The following NELL1 variants were observed in gnomAD, a reference collection of about 807,000 sequenced individuals.
NELL1 encodes protein kinase C-binding protein NELL1.
Under a neutral mutation model 107.4 loss-of-function variants are expected in NELL1, and 76 were observed. The observed-to-expected ratio is 0.71, with a 90% CI of 0.59 to 0.86. The LOEUF is 0.86. Ranked by LOEUF, NELL1 falls within the 40% of genes least tolerant of loss-of-function variation. NELL1 has a pLI of 0.00. For synonymous variants in NELL1, 353 were observed against 341.2 expected, an observed-to-expected ratio of 1.03 and a Z score of -0.38; for missense variants, 1,024 against 1,005.5, an observed-to-expected ratio of 1.02 and a Z score of -0.25.
chr11:20,910,841 A>G (rs2134147483), intron 5 of NELL1, among the ~76,000 whole-genome samples: 1 of 152,318 alleles, frequency 6.6e-6, no homozygotes, highest in African/African-American at 2.4e-5. Context: ...TTATTTGTAA[A>G]GTTCCAGAGA....
chr11:20,977,894 G>T (rs964003075), intron 12 of NELL1, among the ~76,000 whole-genome samples: 2 of 152,170 alleles, frequency 1.3e-5, no homozygotes, highest in African/African-American at 2.4e-5. Context: ...TTATACTCCA[G>T]TAAAATATTG....
chr11:21,333,497 T>TA (rs1237184608), intron 14 of NELL1, among the ~76,000 whole-genome samples: 1 of 152,200 alleles, frequency 6.6e-6, no homozygotes, highest in African/African-American at 2.4e-5. Context: ...GCTTTCTTTG[T>TA]AATAAATTAA....
At chr11:21,047,513 ACAAATGC>A (rs1420101489) in intron 12 of NELL1, among the ~76,000 whole-genome samples, 11 of 152,086 alleles carry the variant, frequency 7.2e-5, no homozygotes, top group Non-Finnish European at 1.6e-4. Context: ...GCATTACTGA[ACAAATGC>A]CTACTTAGTT....
intron 15 of NELL1, among the ~76,000 whole-genome samples, chr11:21,376,004 T>G (rs1851466937): frequency 6.6e-6 from 1 of 152,172 alleles, no homozygotes; most frequent in Non-Finnish European, 1.5e-5. Context: ...GGTTGTCTGC[T>G]TACTCTGTTG....
chr11:21,253,195 A>G (rs1314500430), intron 14 of NELL1, among the ~76,000 whole-genome samples: 1 of 152,130 alleles, frequency 6.6e-6, no homozygotes, highest in Non-Finnish European at 1.5e-5. Context: ...TAACCTCTTA[A>G]TGAAAGAATG....
chr11:21,367,261 T>TAC (rs72275889), intron 14 of NELL1, among the ~76,000 whole-genome samples: 2,209 of 145,200 alleles, frequency 0.015, 22 homozygotes, highest in Middle Eastern at 0.039. Flanking sequence ...TTTATCTTAC[T>TAC]ACACACACAC....
At chr11:20,752,919 G>A (rs1188400246) in intron 2 of NELL1, among the ~76,000 whole-genome samples, 4 of 151,916 alleles carry the variant, frequency 2.6e-5, no homozygotes, top group Admixed American at 1.3e-4. Flanking sequence ...AGAAGAAAAA[G>A]GAAAAAATGG....
intron 15 of NELL1, among the ~76,000 whole-genome samples, chr11:21,455,367 T>A (rs1853701948): frequency 6.8e-6 from 1 of 146,620 alleles, no homozygotes; most frequent in Non-Finnish European, 1.5e-5. Flanking sequence ...CGGCCTTACC[T>A]GTCATCTAAG....
intron 13 of NELL1, among the ~76,000 whole-genome samples, chr11:21,166,721 T>G (rs1856491758): frequency 6.6e-6 from 1 of 151,962 alleles, no homozygotes; most frequent in South Asian, 2.1e-4. Flanking sequence ...AGGCCGAAAC[T>G]TTTGATCAAA....
intron 12 of NELL1, among the ~76,000 whole-genome samples, chr11:20,991,364 A>G (rs1023712844): frequency 1.3e-5 from 2 of 152,244 alleles, no homozygotes; most frequent in Non-Finnish European, 2.9e-5. Context: ...GAGAGACAAC[A>G]TATGTCAACC....
chr11:21,230,640 C>T (rs1858023477), intron 14 of NELL1, among the ~76,000 whole-genome samples: 1 of 152,190 alleles, frequency 6.6e-6, no homozygotes, highest in African/African-American at 2.4e-5. Flanking sequence ...CAGTATTCCT[C>T]TGCAGGGATG....
intron 15 of NELL1, among the ~76,000 whole-genome samples, chr11:21,499,366 T>C (rs182854642): frequency 6.6e-6 from 1 of 152,260 alleles, no homozygotes; most frequent in Non-Finnish European, 1.5e-5. Flanking sequence ...CACACTCATA[T>C]ATATGCCTAT....
At chr11:20,684,940 G>A (rs1408325957) in intron 2 of NELL1, among the ~76,000 whole-genome samples, 2 of 152,038 alleles carry the variant, frequency 1.3e-5, no homozygotes, top group Non-Finnish European at 2.9e-5. Context: ...GGATACTGTT[G>A]CCTTTTGGGT....
chr11:21,139,726 G>T (rs1855824761), intron 13 of NELL1, among the ~76,000 whole-genome samples: 1 of 152,130 alleles, frequency 6.6e-6, no homozygotes, highest in Non-Finnish European at 1.5e-5. Flanking sequence ...TCAATGTCCT[G>T]GGTACTGTGG....
At chr11:21,184,986 C>T (rs1166646421) in intron 13 of NELL1, among the ~76,000 whole-genome samples, 2 of 151,846 alleles carry the variant, frequency 1.3e-5, no homozygotes, top group African/African-American at 4.9e-5. Flanking sequence ...GATGCTTTAA[C>T]AGCCAATCGC....
At chr11:20,919,688 T>G (rs942646130) in intron 7 of NELL1, among the ~76,000 whole-genome samples, 1 of 152,080 alleles carries the variant, frequency 6.6e-6, no homozygotes, top group African/African-American at 2.4e-5. Flanking sequence ...AGCTAATGCA[T>G]TTTGGATGTA....
intron 14 of NELL1, among the ~76,000 whole-genome samples, chr11:21,314,082 C>G (rs560822236): frequency 1.2e-4 from 17 of 144,698 alleles, no homozygotes; most frequent in African/African-American, 4.3e-4. Context: ...TGATTAATAG[C>G]TCCCTGAGGC....
In NELL1 at chr11:21,310,577, G is replaced by C. The variant is rs184252355; in HGVS notation, c.1550-60276G>C. 2.9e-4 allele frequency among the ~76,000 whole-genome samples: 44 copies of C among 152,120 alleles called. 1 individual carries two copies. In the South Asian group the frequency reaches 3.9e-3, roughly 14 times the overall value. On this transcript the variant is annotated intron_variant, in intron 14 of 19. Coordinates refer to ENST00000357134, the MANE Select transcript of NELL1 (RefSeq NM_006157.5). ...AACTTGACCTAGCTCCTGGGTCAAGGAAGGCCATCATGAGGAAATCACAGG... is the reference window on the plus strand; with the variant it reads ...AACTTGACCTAGCTCCTGGGTCAAGCAAGGCCATCATGAGGAAATCACAGG...
intron 15 of NELL1, among the ~76,000 whole-genome samples, chr11:21,460,712 T>C (rs188192851): frequency 3.0e-4 from 46 of 152,172 alleles, no homozygotes; most frequent in African/African-American, 1.1e-3. Context: ...AATCCTAAAG[T>C]CTCAAGTTCT....
Sources: allele counts gnomAD v4.1 joint callset (sites outside exome capture counted in the v4.1 genomes callset), GRCh38; gene constraint gnomAD v4.1.1; transcripts MANE v1.5; gene names NCBI Gene and HGNC (gene_info 2026-07-23, HGNC 2026-07-21).